Variants in C21orf58 observed in about 807,000 individuals in gnomAD.
C21orf58 encodes the protein chromosome 21 open reading frame 58.
In C21orf58, 34 loss-of-function variants were observed where a neutral mutation model predicts 35.8. The observed-to-expected ratio is 0.95, with a 90% CI of 0.72 to 1.26. The LOEUF is 1.26. Among genes scored for constraint, C21orf58 ranks in the 50% most tolerant of loss-of-function variants. The pLI, the probability that C21orf58 is intolerant of heterozygous loss-of-function variation, is 0.00. For synonymous variants in C21orf58, 191 were observed against 175.8 expected (o/e 1.09, Z -0.68); for missense variants, 440 against 414.3 (o/e 1.06, Z -0.54).
At chr21:46,314,154 T>G (rs968493630) in intron 5 of C21orf58, among the ~76,000 whole-genome samples, 1 of 152,012 alleles carries the variant, frequency 6.6e-6, no homozygotes, top group Admixed American at 6.6e-5. Flanking sequence ...GATGGAGTCT[T>G]GTAATCTCCT....
chr21:46,307,859 T>G (rs1422251838), intron 6 of C21orf58, among the ~76,000 whole-genome samples: 1 of 152,184 alleles, frequency 6.6e-6, no homozygotes, highest in African/African-American at 2.4e-5. Flanking sequence ...CAACCACCAC[T>G]GCATCCTGTT....
chr21:46,314,909 A>G, intron 4 of C21orf58, 29 bp from the exon 5 acceptor site: 1 of 1,550,324 alleles, frequency 6.5e-7, no homozygotes, highest in South Asian at 1.2e-5. Flanking sequence ...GCTGCTGCAC[A>G]CGGGGACGGG....
intron 7 of C21orf58, 72 bp downstream of exon 7, chr21:46,302,413 A>G: frequency 1.6e-6 from 2 of 1,250,952 alleles, no homozygotes; most frequent in South Asian, 2.6e-5. Context: ...ACACAGATGC[A>G]GAAATTTCCA....
chr21:46,322,276 G>A (rs1365588014), intron 1 of C21orf58: 1 of 196,896 alleles, frequency 5.1e-6, no homozygotes, highest in Admixed American at 6.6e-5. Flanking sequence ...GACAGACTGA[G>A]ACCCTGCCTA....
At chr21:46,318,569 G>A (rs548265755) in intron 1 of C21orf58, 2 of 1,196,052 alleles carry the variant, frequency 1.7e-6, no homozygotes, top group Non-Finnish European at 2.1e-6. Flanking sequence ...CCTGTGTACT[G>A]CCTCCAGGGT....
At chr21:46,308,261 G>T (rs942895846) in intron 6 of C21orf58, among the ~76,000 whole-genome samples, 2 of 152,086 alleles carry the variant, frequency 1.3e-5, no homozygotes, top group African/African-American at 4.8e-5. Flanking sequence ...AGGAGTTCGA[G>T]ACCAGCCTGG....
At chr21:46,314,131 G>GTTTTTTTTTTTTTTTT (rs140166854) in intron 5 of C21orf58, among the ~76,000 whole-genome samples, 18 of 145,016 alleles carry the variant, frequency 1.2e-4, no homozygotes, top group African/African-American at 4.0e-4. Flanking sequence ...GCATGATAAA[G>GTTTTTTTTTTTTTTTT]TTTTTTTTTT....
chr21:46,317,356 A>C (rs1434410981), intron 2 of C21orf58, 88 bp from the exon 3 acceptor site: 4 of 1,550,230 alleles, frequency 2.6e-6, no homozygotes, highest in Non-Finnish European at 3.5e-6. Flanking sequence ...TTTCTGAGTG[A>C]AAAGAATGGT....
In C21orf58 at chr21:46,322,798, C is replaced by G. The variant is rs1022170167; in HGVS notation, c.-60G>C. 8.2e-6 allele frequency: 10 copies of G among 1,213,332 alleles called. No individual in the cohort carries two copies. The highest frequency in any genetic ancestry group is 1.1e-5 in the Non-Finnish European group (10 of 914,458). 75.2% of individuals were successfully genotyped at this position (1,213,332 alleles called of 1,614,324 possible). A position where few individuals can be genotyped will look rare whatever the true frequency, so the allele number is the denominator to read the frequency against. ...TCAAAAAAAGAAAAAAAATTCTGAG[C>G]GAGATTCCAGGGCTTCCTGAGGGCG... On this transcript the variant is annotated 5_prime_UTR_variant, in exon 1 of 8. Transcript: ENST00000291691.
In C21orf58 at chr21:46,314,799, G is replaced by A. The variant is rs139267300; in HGVS notation, c.526C>T (p.Pro176Ser). ...AGGATGCCCGTGGGGGGCAGCTCTGGGGGCAGGGCTGACCCGAGGGCTCCT... is the reference window on the plus strand; with the variant it reads ...AGGATGCCCGTGGGGGGCAGCTCTGAGGGCAGGGCTGACCCGAGGGCTCCT... ...SRGALGSALPPELPPTGILPT... is the reference protein window; with the variant it reads ...SRGALGSALPSELPPTGILPT... The change falls in exon 5 of 8, where the codon CCA becomes TCA. Residue 176 changes from proline (P) to serine (S), a missense_variant. Physicochemically the swap from Pro to Ser is moderately conservative, Grantham distance 74. Transcript: ENST00000291691. The A allele has an allele frequency of 2.5e-4, 381 of 1,540,946 alleles. 3 individuals carry two copies. In the East Asian group the frequency reaches 8.8e-3, roughly 36 times the overall value.
intron 6 of C21orf58, among the ~76,000 whole-genome samples, chr21:46,307,898 A>G (rs559216418): frequency 1.4e-4 from 22 of 152,352 alleles, no homozygotes; most frequent in Admixed American, 7.8e-4. Context: ...AAGACTGACC[A>G]TACCACATGT....
chr21:46,310,066 A>G (rs2082604904), intron 6 of C21orf58, among the ~76,000 whole-genome samples: 2 of 152,292 alleles, frequency 1.3e-5, no homozygotes, highest in South Asian at 4.1e-4. Flanking sequence ...AAAGCTGCTC[A>G]GCAGTTGCAT....
chr21:46,321,122 C>T (rs2083139886), intron 1 of C21orf58, among the ~76,000 whole-genome samples: 1 of 150,966 alleles, frequency 6.6e-6, no homozygotes, highest in Admixed American at 6.6e-5. Context: ...ACATGTGTGG[C>T]TTCCCCTCTT....
downstream of C21orf58, chr21:46,301,022 A>AG: frequency 1.0e-6 from 1 of 992,462 alleles, no homozygotes; most frequent in Non-Finnish European, 1.3e-6. Context: ...TTTGCTTTAC[A>AG]GGAACAAGAG....
At position 46,301,864 on chromosome 21, in the gene C21orf58, AGT is replaced by A; in HGVS notation, c.*133_*134del. 7.8e-7 allele frequency: 1 copy of A among 1,288,776 alleles called. No individual in the cohort carries two copies. The highest frequency in any genetic ancestry group is 9.8e-7 in the Non-Finnish European group (1 of 1,020,404). 79.8% of individuals were successfully genotyped at this position (1,288,776 alleles called of 1,614,324 possible). The stretch of plus-strand genomic sequence containing the variant: ...CCCAGCTTCCCCAGGAGGAGCCTGC[AGT>A]CCACACTCGCGTAGCCACTCCGGGT... On this transcript the variant is annotated 3_prime_UTR_variant, in exon 8 of 8. Transcript: ENST00000291691.
chr21:46,300,589 T>C, downstream of C21orf58: 1 of 1,116,470 alleles, frequency 9.0e-7, no homozygotes, highest in Admixed American at 3.9e-5. Context: ...CTGAGAGAAG[T>C]GAGTGTTACT....
At chr21:46,316,792 C>A (rs916700245) in intron 3 of C21orf58, among the ~76,000 whole-genome samples, 3 of 152,236 alleles carry the variant, frequency 2.0e-5, no homozygotes, top group South Asian at 2.1e-4. Context: ...TTCCAAAGAA[C>A]AAGAAATGCT....
intron 5 of C21orf58, chr21:46,313,143 G>C (rs2082814232): frequency 2.5e-6 from 2 of 793,200 alleles, no homozygotes; most frequent in African/African-American, 3.7e-5. Context: ...TCTTGAGTTG[G>C]CCATTGCAGC....
At position 46,301,594 on chromosome 21, in the gene C21orf58, T is replaced by A. The variant is rs1197105362; in HGVS notation, c.*405A>T. 1 of 1,005,176 alleles carries A rather than the reference T, an allele frequency of 9.9e-7. No individual in the cohort carries two copies. The highest frequency in any genetic ancestry group is 1.7e-5 in the African/African-American group (1 of 58,110). The allele number at this position is 1,005,176 out of a possible 1,614,324, so 62.3% of individuals were successfully genotyped here. A position where few individuals can be genotyped will look rare whatever the true frequency, so the allele number is the denominator to read the frequency against. On this transcript the variant is annotated 3_prime_UTR_variant, in exon 8 of 8. Coordinates refer to ENST00000291691, the MANE Select transcript of C21orf58 (RefSeq NM_058180.5). ...TCTGTTCTGGCTCCTGAGCTGAGAT[T>A]TTCTTAAACTCTTTCTGGATGAAAT...
Sources: gnomAD v4.1 joint callset for allele counts (sites outside exome capture counted in the v4.1 genomes callset) on GRCh38, gnomAD v4.1.1 for gene constraint, MANE v1.5 for transcripts, NCBI Gene and HGNC (gene_info 2026-07-23, HGNC 2026-07-21) for gene names.